Variants in YTHDF3 observed in about 807,000 individuals in gnomAD.
The protein encoded by YTHDF3 is YTH N6-methyladenosine RNA binding protein F3, also known as YTH domain-containing family protein 3.
A neutral mutation model predicts 52.5 loss-of-function variants in YTHDF3; 9 were observed. That is an observed-to-expected ratio of 0.17 (90% confidence interval 0.10 to 0.30). The LOEUF (loss-of-function observed/expected upper bound fraction) is 0.30, where lower values mean the gene tolerates loss of function less well. Ranked by LOEUF, YTHDF3 falls within the 10% of genes least tolerant of loss-of-function variation. YTHDF3 has a pLI of 1.00. For missense variants in YTHDF3, 534 were observed against 715.0 expected, an observed-to-expected ratio of 0.75 and a Z score of 2.89; for synonymous variants, 274 against 243.3, an observed-to-expected ratio of 1.13 and a Z score of -1.18.
chr8:63,175,161 A>C (rs531927996), intron 2 of YTHDF3, among the ~76,000 whole-genome samples, 170 bp from the exon 3 acceptor site: 1 of 152,190 alleles, frequency 6.6e-6, no homozygotes, highest in Admixed American at 6.5e-5. Flanking sequence ...TTTTTGTGGC[A>C]CATGAATATT....
chr8:63,186,971 A>G lies in YTHDF3; in HGVS notation c.960A>G (p.Gln320=), dbSNP rs1432857863. 1.9e-6 allele frequency: 3 copies of G among 1,613,640 alleles called. No individual in the cohort carries two copies. The highest frequency in any genetic ancestry group is 2.2e-5 in the East Asian group (1 of 44,892). The part of the protein sequence containing the change: ...PPPLVQSQLP[Q]QQPQPPQPQQ... ...CATTGGTGCAAAGCCAACTGCCTCA[A>G]CAGCAGCCTCAACCACCACAACCAC... Residue 320 remains glutamine (Q), a synonymous_variant, in exon 4 of 5, where the codon CAA becomes CAG. Coordinates refer to ENST00000539294, the MANE Select transcript of YTHDF3 (RefSeq NM_152758.6).
intron 4 of YTHDF3, among the ~76,000 whole-genome samples, chr8:63,190,523 C>T (rs953615327): frequency 1.3e-5 from 2 of 152,016 alleles, no homozygotes; most frequent in East Asian, 1.9e-4. Context: ...ATCCTAAAGC[C>T]GCCTCCTTAC....
At position 63,175,321 on chromosome 8, in the gene YTHDF3, AT is replaced by A. The variant is rs773146494; in HGVS notation, c.50-3del. The A allele has an allele frequency of 6.3e-7, 1 of 1,596,048 alleles. No homozygotes were observed. The highest frequency in any genetic ancestry group is 8.6e-7 in the Non-Finnish European group (1 of 1,168,600). On this transcript the variant is annotated splice_polypyrimidine_tract_variant and intron_variant, in intron 2 of 4. Transcript: ENST00000539294. ...TAACTACAACACTTCTAATACAAAC[AT>A]TTTTTTAGTTTCAGTACAAAACGGT...
intron 2 of YTHDF3, among the ~76,000 whole-genome samples, chr8:63,171,557 T>C (rs756204618): frequency 3.3e-5 from 5 of 152,302 alleles, no homozygotes; most frequent in Non-Finnish European, 5.9e-5. Flanking sequence ...TACTTGTATT[T>C]TTATGACTGC....
intron 2 of YTHDF3, among the ~76,000 whole-genome samples, chr8:63,170,752 GA>G (rs1353557323): frequency 6.6e-6 from 1 of 152,144 alleles, no homozygotes; most frequent in African/African-American, 2.4e-5. Flanking sequence ...GATCTGTGGG[GA>G]GGTGGCACTT....
chr8:63,188,439 A>G (rs540276064), intron 4 of YTHDF3, among the ~76,000 whole-genome samples: 81 of 150,218 alleles, frequency 5.4e-4, no homozygotes, highest in East Asian at 3.9e-4. Context: ...TGATCCTCCT[A>G]CCTCAGCTTC....
intron 3 of YTHDF3, among the ~76,000 whole-genome samples, chr8:63,183,398 T>C (rs974672829): frequency 6.6e-6 from 1 of 152,236 alleles, no homozygotes; most frequent in Non-Finnish European, 1.5e-5. Flanking sequence ...CCATTTTTAG[T>C]AGATACTTCA....
chr8:63,168,780 A>G lies in YTHDF3; in HGVS notation c.-98A>G, dbSNP rs1585730672. On this transcript the variant is annotated 5_prime_UTR_variant, in exon 1 of 5. Coordinates refer to ENST00000539294, the MANE Select transcript of YTHDF3 (RefSeq NM_152758.6). ...GAACGGCGGCAGCGGCGGCGGCTGG[A>G]ACAATCACTCGGCCAAGGGCGACAG... is the stretch of plus-strand genomic sequence containing the variant. 6.5e-7 allele frequency: 1 copy of G among 1,545,932 alleles called. No individual in the cohort carries two copies. The highest frequency in any genetic ancestry group is 8.7e-7 in the Non-Finnish European group (1 of 1,144,540).
intron 3 of YTHDF3, 41 bp from the exon 4 acceptor site, chr8:63,186,106 A>T (rs1319221345): frequency 6.5e-7 from 1 of 1,540,998 alleles, no homozygotes; most frequent in Admixed American, 2.0e-5. Flanking sequence ...TGCTCTTTTA[A>T]GAGGACATTT....
chr8:63,177,768 T>TC (rs1243123289), intron 3 of YTHDF3, among the ~76,000 whole-genome samples: 3 of 151,988 alleles, frequency 2.0e-5, no homozygotes, highest in Admixed American at 2.0e-4. Context: ...TATTTTTTTT[T>TC]TTTTTTTGAA....
chr8:63,175,721 T>G (rs970467667), intron 3 of YTHDF3: 43 of 197,946 alleles, frequency 2.2e-4, no homozygotes, highest in African/African-American at 9.0e-4. Context: ...AATCTTTTAA[T>G]GTCACTGCTA....
intron 3 of YTHDF3, among the ~76,000 whole-genome samples, chr8:63,181,829 G>A (rs939751772): frequency 4.6e-5 from 7 of 152,136 alleles, no homozygotes; most frequent in African/African-American, 1.7e-4. Flanking sequence ...GATGGATTAG[G>A]TTATCTAATA....
rs184743513 is a variant in YTHDF3 at position 63,204,833 on chromosome 8, T to G, written c.1735-4850T>G. ...CAGTGACTTTTTCCTTTGTGGCTCA[T>G]TTAGGCTCAGATCTGGTTACCGAAA... On this transcript the variant is annotated intron_variant, in intron 4 of 4. Transcript: ENST00000539294. Among the ~76,000 whole-genome samples, 191 of 152,334 alleles carry G rather than the reference T, an allele frequency of 1.3e-3. 1 individual carries two copies. Among genetic ancestry groups the G allele is most frequent in the African/African-American group, 3.9e-3 (161 of 41,586 alleles).
intron 4 of YTHDF3, among the ~76,000 whole-genome samples, chr8:63,193,338 T>C (rs1585770630): frequency 8.3e-6 from 1 of 120,932 alleles, no homozygotes. Flanking sequence ...ATTGCACCAC[T>C]CCACTCCAGC....
intron 4 of YTHDF3, among the ~76,000 whole-genome samples, chr8:63,196,718 G>A (rs1038777142): frequency 6.6e-6 from 1 of 152,164 alleles, no homozygotes; most frequent in Non-Finnish European, 1.5e-5. Context: ...TGGGTTGAGA[G>A]GGGTGGAGAG....
rs1053953170 is a variant in YTHDF3, at chr8:63,212,655, A to G, written c.*2949A>G. ...TTGTAGCAATTACATGAGAATTTGAATTTTGTCGTGTTTGGGTTTGTTCAT... is the reference window on the plus strand; with the variant it reads ...TTGTAGCAATTACATGAGAATTTGAGTTTTGTCGTGTTTGGGTTTGTTCAT... On this transcript the variant is annotated 3_prime_UTR_variant, in exon 5 of 5. Transcript: ENST00000539294. The G allele has an allele frequency of 6.6e-6, 1 of 152,592 alleles. No homozygotes were observed. The highest frequency in any genetic ancestry group is 1.5e-5 in the Non-Finnish European group (1 of 68,024). The allele number at this position is 152,592 out of a possible 1,614,324, so 9.5% of individuals were successfully genotyped here.
At chr8:63,180,838 G>A (rs575792553) in intron 3 of YTHDF3, among the ~76,000 whole-genome samples, 241 of 152,362 alleles carry the variant, frequency 1.6e-3, no homozygotes, top group Non-Finnish European at 1.8e-3. Flanking sequence ...GTCAGGCGTG[G>A]CGGCAAGCGC....
At chr8:63,176,352 G>A (rs1281140878) in intron 3 of YTHDF3, among the ~76,000 whole-genome samples, 2 of 152,184 alleles carry the variant, frequency 1.3e-5, no homozygotes, top group Non-Finnish European at 2.9e-5. Flanking sequence ...TGCGATCTCA[G>A]CTCACTGCAA....
rs545919041 is a variant in YTHDF3, at chr8:63,186,722, C to G, written c.711C>G (p.Ser237=). Residue 237 remains serine (S), a synonymous_variant, in exon 4 of 5, where the codon TCC becomes TCG. Transcript: ENST00000539294. ...GCAGTGCAGCACCTAAACCAACCTCCTGGGCTGCCATTGCCAGAAAGCCTG... is the reference window on the plus strand; with the variant it reads ...GCAGTGCAGCACCTAAACCAACCTCGTGGGCTGCCATTGCCAGAAAGCCTG... ...PVSSAAPKPT[S]WAAIARKPAK... is the part of the protein sequence containing the mutation. 82 of 1,613,942 alleles carry G rather than the reference C, an allele frequency of 5.1e-5. No individual in the cohort carries two copies. The East Asian group carries it at 1.8e-3, about 36-fold the overall frequency.
Sources: gnomAD v4.1 joint callset for allele counts (sites outside exome capture counted in the v4.1 genomes callset) on GRCh38, gnomAD v4.1.1 for gene constraint, MANE v1.5 for transcripts, NCBI Gene and HGNC (gene_info 2026-07-23, HGNC 2026-07-21) for gene names.